NAALADL2: variants seen among roughly 807,000 people sequenced by gnomAD.
NAALADL2 encodes inactive N-acetylated-alpha-linked acidic dipeptidase-like protein 2.
A neutral mutation model predicts 87.2 loss-of-function variants in NAALADL2; 76 were observed. That is an observed-to-expected ratio of 0.87 (90% confidence interval 0.72 to 1.05). The LOEUF is 1.05. Ranked by LOEUF, NAALADL2 falls within the 50% of genes least tolerant of loss-of-function variation. The pLI is 0.00. For missense variants in NAALADL2, 1,089 were observed against 945.8 expected (o/e 1.15, Z -1.99); for synonymous variants, 354 against 331.0 (o/e 1.07, Z -0.75).
chr3:175,007,200 A>T (rs1749157647), intron 1 of NAALADL2, among the ~76,000 whole-genome samples: 1 of 149,262 alleles, frequency 6.7e-6, no homozygotes, highest in Admixed American at 6.7e-5. Flanking sequence ...AAAGGAAGTG[A>T]TGTGTATATA....
chr3:174,830,814 G>T (rs1722591059), intron 3 of NAALADL2, among the ~76,000 whole-genome samples: 1 of 152,006 alleles, frequency 6.6e-6, no homozygotes, highest in Admixed American at 6.6e-5. Context: ...CCTTGAAGAG[G>T]TCCTTCACAT....
At chr3:174,804,451 C>A (rs1264510750) in intron 3 of NAALADL2, among the ~76,000 whole-genome samples, 1 of 151,992 alleles carries the variant, frequency 6.6e-6, no homozygotes, top group Non-Finnish European at 1.5e-5. Flanking sequence ...AATTGAATAC[C>A]CATTATTTCT....
intron 1 of NAALADL2, among the ~76,000 whole-genome samples, chr3:174,497,473 G>A (rs35115187): frequency 0.42 from 63,098 of 151,450 alleles, 14,074 homozygotes; most frequent in East Asian, 0.88. Flanking sequence ...TATTTAAAAA[G>A]AAGAAGCGAA....
At chr3:175,571,503 A>G (rs757176468) in intron 9 of NAALADL2, among the ~76,000 whole-genome samples, 9 of 152,202 alleles carry the variant, frequency 5.9e-5, no homozygotes, top group Non-Finnish European at 1.2e-4. Flanking sequence ...TTCTAGTAAA[A>G]CAAAGAAAAT....
Position 174,633,110 on chromosome 3 carries a change from A to T in NAALADL2, c.-115+82473A>T, listed in dbSNP as rs1244600050. Among the ~76,000 whole-genome samples the T allele has an allele frequency of 3.3e-5, 5 of 151,990 alleles. No homozygotes were observed. The South Asian group carries it at 1.0e-3, about 32-fold the overall frequency. On this transcript the variant is annotated intron_variant, in intron 2 of 3. Coordinates refer to the NAALADL2 transcript ENST00000434257. ...TGATCATGGAACTAGCATGTGACTGAGTTGATACTACCAGTATTTGGTTGC... is the reference window on the plus strand; with the variant it reads ...TGATCATGGAACTAGCATGTGACTGTGTTGATACTACCAGTATTTGGTTGC...
At chr3:174,786,797 A>G (rs1716733584) in intron 3 of NAALADL2, among the ~76,000 whole-genome samples, 1 of 152,110 alleles carries the variant, frequency 6.6e-6, no homozygotes, top group African/African-American at 2.4e-5. Flanking sequence ...TGATAGTAAT[A>G]AAGACCAAGA....
chr3:175,728,800 G>A (rs1449603744), intron 11 of NAALADL2, among the ~76,000 whole-genome samples: 1 of 152,136 alleles, frequency 6.6e-6, no homozygotes, highest in Non-Finnish European at 1.5e-5. Context: ...ATATGGCTTG[G>A]ATGAGTTTTA....
intron 1 of NAALADL2, among the ~76,000 whole-genome samples, chr3:174,924,917 G>T (rs1735767937): frequency 6.6e-6 from 1 of 152,054 alleles, no homozygotes; most frequent in South Asian, 2.1e-4. Flanking sequence ...TGATGGGGTT[G>T]TTTGTTTTTT....
chr3:175,339,452 T>C (rs1179843062), intron 5 of NAALADL2, among the ~76,000 whole-genome samples: 1 of 152,206 alleles, frequency 6.6e-6, no homozygotes, highest in Non-Finnish European at 1.5e-5. Flanking sequence ...ATCTGTTCTG[T>C]ATAAAAATAA....
At chr3:175,329,490 G>C (rs1188653456) in intron 5 of NAALADL2, among the ~76,000 whole-genome samples, 1 of 152,178 alleles carries the variant, frequency 6.6e-6, no homozygotes, top group African/African-American at 2.4e-5. Context: ...AATATCGAAA[G>C]ACTGACTTGA....
intron 9 of NAALADL2, among the ~76,000 whole-genome samples, chr3:175,556,382 C>G (rs1715269008): frequency 6.6e-6 from 1 of 152,078 alleles, no homozygotes; most frequent in African/African-American, 2.4e-5. Context: ...CTATAATACC[C>G]AAATTACCTC....
intron 2 of NAALADL2, among the ~76,000 whole-genome samples, chr3:175,196,135 G>T (rs1041189979): frequency 5.9e-5 from 9 of 152,006 alleles, no homozygotes; most frequent in African/African-American, 7.2e-5. Context: ...AGAAAAAGGG[G>T]TTCTCATTGT....
intron 1 of NAALADL2, among the ~76,000 whole-genome samples, chr3:175,089,638 G>T (rs369488854): frequency 6.6e-6 from 1 of 152,218 alleles, no homozygotes; most frequent in Non-Finnish European, 1.5e-5. Flanking sequence ...CGGGGATATT[G>T]TCACTCTGTA....
At chr3:175,307,981 A>T (rs1757919335) in intron 4 of NAALADL2, among the ~76,000 whole-genome samples, 1 of 152,156 alleles carries the variant, frequency 6.6e-6, no homozygotes, top group Non-Finnish European at 1.5e-5. Flanking sequence ...ATTTACTCCC[A>T]CTTGATGTGC....
At chr3:174,990,435 A>C (rs1405909867) in intron 1 of NAALADL2, among the ~76,000 whole-genome samples, 1 of 152,184 alleles carries the variant, frequency 6.6e-6, no homozygotes. Context: ...AAGGTTTTCT[A>C]AATCAATTCA....
intron 3 of NAALADL2, among the ~76,000 whole-genome samples, chr3:174,738,362 C>T (rs1733415110): frequency 6.6e-6 from 1 of 152,206 alleles, no homozygotes; most frequent in Non-Finnish European, 1.5e-5. Flanking sequence ...TAACCACCAA[C>T]ACACTTCAGG....
At chr3:175,085,450 G>T (rs958153879) in intron 1 of NAALADL2, among the ~76,000 whole-genome samples, 28 of 152,126 alleles carry the variant, frequency 1.8e-4, no homozygotes, top group African/African-American at 6.7e-4. Flanking sequence ...TAAAGGTTAT[G>T]CTCCTTTTTT....
At position 174,916,322 on chromosome 3, in the gene NAALADL2, C is replaced by T. The variant is rs115612932; in HGVS notation, c.43+56872C>T. 3.9e-3 allele frequency among the ~76,000 whole-genome samples: 587 copies of T among 152,144 alleles called. 3 individuals carry two copies. Among genetic ancestry groups the T allele is most frequent in the Non-Finnish European group, 7.1e-3 (483 of 67,936 alleles). On this transcript the variant is annotated intron_variant, in intron 1 of 13. Transcript: ENST00000454872. ...CAGTATGGAAATTCCTTAATAGGAA[C>T]TAAAAGTAGAACTACCATTCAGTCC...
At chr3:175,665,553 CTAGAA>C (rs959952164) in intron 11 of NAALADL2, among the ~76,000 whole-genome samples, 1 of 152,088 alleles carries the variant, frequency 6.6e-6, no homozygotes, top group African/African-American at 2.4e-5. Context: ...ATTTTAAATG[CTAGAA>C]TAAAGTCTGT....
Sources: gnomAD v4.1 joint callset for allele counts (sites outside exome capture counted in the v4.1 genomes callset) on GRCh38, gnomAD v4.1.1 for gene constraint, MANE v1.5 for transcripts, NCBI Gene and HGNC (gene_info 2026-07-23, HGNC 2026-07-21) for gene names.